RANBP9: variants seen among roughly 807,000 people sequenced by gnomAD.
RANBP9 encodes the protein RAN binding protein 9.
A neutral mutation model predicts 84.3 loss-of-function variants in RANBP9; 15 were observed. The ratio of observed to expected loss-of-function variants is 0.18; its 90% confidence interval spans 0.12 to 0.27. The LOEUF (loss-of-function observed/expected upper bound fraction) is 0.27, where lower values mean the gene tolerates loss of function less well. Ranked by LOEUF, RANBP9 falls within the 10% of genes least tolerant of loss-of-function variation. RANBP9 has a pLI of 1.00. For synonymous variants in RANBP9, 392 were observed against 349.6 expected (o/e 1.12, Z -1.35); for missense variants, 809 against 912.8 (o/e 0.89, Z 1.46).
At chr6:13,634,840 T>C (rs534077530) in intron 10 of RANBP9, among the ~76,000 whole-genome samples, 3 of 152,092 alleles carry the variant, frequency 2.0e-5, no homozygotes, top group African/African-American at 7.2e-5. Context: ...TTCCACACAA[T>C]CCTATTATTT....
intron 5 of RANBP9, among the ~76,000 whole-genome samples, chr6:13,650,158 G>GT (rs1196217631): frequency 2.1e-5 from 3 of 143,794 alleles, no homozygotes; most frequent in South Asian, 2.2e-4. Flanking sequence ...TTGTTGTTGT[G>GT]TTTTTTTGTT....
chr6:13,622,359 T>C lies in RANBP9; in HGVS notation c.*3A>G, dbSNP rs201118974. Reference sequence around the variant, plus strand: ...TATAAGTGTGAGCTCTTGAAATGCATAGCTAATGTAGGTAGTCTTCCACTG... The same window carrying C: ...TATAAGTGTGAGCTCTTGAAATGCACAGCTAATGTAGGTAGTCTTCCACTG... On this transcript the variant is annotated 3_prime_UTR_variant, in exon 14 of 14. Coordinates refer to ENST00000011619, the MANE Select transcript of RANBP9 (RefSeq NM_005493.3). The C allele has an allele frequency of 7.9e-5, 123 of 1,563,856 alleles. 1 individual carries two copies. In the African/African-American group the frequency reaches 1.4e-3, roughly 17 times the overall value.
chr6:13,630,842 TA>T (rs1281012194), intron 12 of RANBP9, among the ~76,000 whole-genome samples: 3 of 151,858 alleles, frequency 2.0e-5, no homozygotes, highest in Non-Finnish European at 4.4e-5. Flanking sequence ...CTCATTTTTC[TA>T]TTTTTTTTTT....
intron 1 of RANBP9, among the ~76,000 whole-genome samples, chr6:13,706,457 G>A (rs777229185): frequency 7.6e-4 from 115 of 152,228 alleles, no homozygotes; most frequent in Non-Finnish European, 1.4e-3. Flanking sequence ...CACTTTGGGA[G>A]GGCGAGGCGG....
intron 13 of RANBP9, among the ~76,000 whole-genome samples, chr6:13,623,385 G>C (rs889891233): frequency 4.6e-5 from 7 of 152,146 alleles, no homozygotes; most frequent in Non-Finnish European, 1.0e-4. Context: ...TTGGTTCAGA[G>C]GATGCAATTT....
In RANBP9 at chr6:13,622,326, T is replaced by C; in HGVS notation, c.*36A>G. On this transcript the variant is annotated 3_prime_UTR_variant, in exon 14 of 14. Coordinates refer to ENST00000011619, the MANE Select transcript of RANBP9 (RefSeq NM_005493.3). The stretch of plus-strand genomic sequence containing the variant: ...CTGGTCTACTTCCATGTTGACTATA[T>C]GCCACAATATAAGTGTGAGCTCTTG... 6.8e-7 allele frequency: 1 copy of C among 1,467,478 alleles called. No individual in the cohort carries two copies. The highest frequency in any genetic ancestry group is 9.1e-7 in the Non-Finnish European group (1 of 1,102,862). 90.9% of individuals were successfully genotyped at this position (1,467,478 alleles called of 1,614,324 possible).
chr6:13,691,329 T>C (rs535567797), intron 2 of RANBP9, among the ~76,000 whole-genome samples: 6 of 152,296 alleles, frequency 3.9e-5, no homozygotes, highest in African/African-American at 1.4e-4. Flanking sequence ...TGAAAACTCA[T>C]GGCAGAAAAT....
intron 1 of RANBP9, among the ~76,000 whole-genome samples, chr6:13,699,763 G>T (rs1757921388): frequency 6.6e-6 from 1 of 152,170 alleles, no homozygotes; most frequent in African/African-American, 2.4e-5. Context: ...TCAGGAGGCT[G>T]AGGCACAAGA....
intron 2 of RANBP9, among the ~76,000 whole-genome samples, chr6:13,695,411 T>G (rs896689201): frequency 8.6e-4 from 129 of 150,806 alleles, no homozygotes; most frequent in Non-Finnish European, 1.4e-3. Flanking sequence ...GTTTTTTTTT[T>G]TTTTTTTTTT....
intron 2 of RANBP9, among the ~76,000 whole-genome samples, chr6:13,676,908 T>C (rs948901191): frequency 2.0e-5 from 3 of 152,188 alleles, no homozygotes; most frequent in Non-Finnish European, 4.4e-5. Context: ...ATTAGTATCA[T>C]ACTTAATGGC....
At chr6:13,651,938 T>A (rs1765307823) in intron 5 of RANBP9, among the ~76,000 whole-genome samples, 1 of 152,088 alleles carries the variant, frequency 6.6e-6, no homozygotes, top group South Asian at 2.1e-4. Flanking sequence ...CACTTCACAC[T>A]CTTCTTCAAA....
chr6:13,622,497 G>C lies in RANBP9; in HGVS notation c.2060-5C>G. On this transcript the variant is annotated splice_polypyrimidine_tract_variant and splice_region_variant and intron_variant, in intron 13 of 13. Coordinates refer to ENST00000011619, the MANE Select transcript of RANBP9 (RefSeq NM_005493.3). ...GCTTTGGCAGATTGTGGGTTTCTGA[G>C]GAAAAATAATTTAAAAATGAGAACA... 1 of 1,549,724 alleles carries C rather than the reference G, an allele frequency of 6.5e-7. No homozygotes were observed. Among genetic ancestry groups the C allele is most frequent in the Non-Finnish European group, 8.7e-7 (1 of 1,151,398 alleles).
intron 2 of RANBP9, among the ~76,000 whole-genome samples, chr6:13,659,881 G>T (rs1358001735): frequency 6.6e-6 from 1 of 152,004 alleles, no homozygotes; most frequent in East Asian, 1.9e-4. Flanking sequence ...CTGTTTTAGG[G>T]GCTTTAGAAA....
At chr6:13,657,027 A>C in intron 4 of RANBP9, 82 bp downstream of exon 4, 2 of 1,306,062 alleles carry the variant, frequency 1.5e-6, no homozygotes, top group Non-Finnish European at 2.1e-6. Flanking sequence ...AAGGAGAATC[A>C]CATAATAAAT....
At chr6:13,706,217 A>G (rs1758116600) in intron 1 of RANBP9, among the ~76,000 whole-genome samples, 1 of 151,778 alleles carries the variant, frequency 6.6e-6, no homozygotes, top group Non-Finnish European at 1.5e-5. Context: ...CGCGGCGGGC[A>G]CCTGTAGTCC....
At chr6:13,636,047 T>C (rs1477372510) in intron 10 of RANBP9, among the ~76,000 whole-genome samples, 1 of 152,136 alleles carries the variant, frequency 6.6e-6, no homozygotes, top group Non-Finnish European at 1.5e-5. Flanking sequence ...TGATGGGATG[T>C]AAATCAAGGA....
intron 10 of RANBP9, among the ~76,000 whole-genome samples, chr6:13,636,405 T>C (rs1764940761): frequency 6.6e-6 from 1 of 152,240 alleles, no homozygotes; most frequent in South Asian, 2.1e-4. Context: ...GTTGACTTTC[T>C]TTCCCTTTTA....
At chr6:13,635,289 A>G (rs767749671) in intron 10 of RANBP9, among the ~76,000 whole-genome samples, 4 of 152,146 alleles carry the variant, frequency 2.6e-5, no homozygotes, top group Non-Finnish European at 4.4e-5. Flanking sequence ...GCCAATAACT[A>G]TATTTGCACA....
chr6:13,683,849 T>C lies in RANBP9; in HGVS notation c.683+12936A>G, dbSNP rs538604425. On this transcript the variant is annotated intron_variant, in intron 2 of 13. Transcript: ENST00000011619. ...GTAAGAGGTAAGGGTGATTTGGGAT[T>C]TAAACTGCACTAAAGATAACCACTT... Among the ~76,000 whole-genome samples, 3 of 152,138 alleles carry C rather than the reference T, an allele frequency of 2.0e-5. No homozygotes were observed. The South Asian group carries it at 6.2e-4, about 31-fold the overall frequency.
Sources: gnomAD v4.1 joint callset for allele counts (sites outside exome capture counted in the v4.1 genomes callset) on GRCh38, gnomAD v4.1.1 for gene constraint, MANE v1.5 for transcripts, NCBI Gene and HGNC (gene_info 2026-07-23, HGNC 2026-07-21) for gene names.